The following P2RY14 variants were observed in gnomAD, a reference collection of about 807,000 sequenced individuals.
P2RY14 encodes the protein purinergic receptor P2Y14.
In P2RY14, 2 loss-of-function variants were observed where a neutral mutation model predicts 0.9. The observed-to-expected ratio is 2.16, with a 90% CI of 0.88 to 6.79. The LOEUF (loss-of-function observed/expected upper bound fraction) is 6.79, where lower values mean the gene tolerates loss of function less well. P2RY14 is among the 30% of genes most tolerant of loss of function. The pLI is 0.05. For synonymous variants in P2RY14, 158 were observed against 147.2 expected (o/e 1.07, Z -0.53); for missense variants, 378 against 400.1 (o/e 0.94, Z 0.47).
At chr3:151,235,719 A>G (rs555513636) in intron 1 of P2RY14, among the ~76,000 whole-genome samples, 10 of 107,476 alleles carry the variant, frequency 9.3e-5, no homozygotes, top group East Asian at 2.9e-4. Context: ...AAATAAATAA[A>G]TAAGTAAAAG....
In P2RY14 at chr3:151,229,421, G is replaced by A. The variant is rs370450248; in HGVS notation, c.-132-9779C>T. ...TCCCGGGTTCAAGCGATTCTCCTGC[G>A]TCAGCCTCCCGAGTAGCTGGGACTA... On this transcript the variant is annotated intron_variant, in intron 1 of 2. Transcript: ENST00000309170. Among the ~76,000 whole-genome samples, 1,095 of 142,808 alleles carry A rather than the reference G, an allele frequency of 7.7e-3. 13 individuals carry two copies. The Middle Eastern group carries it at 0.097, about 13-fold the overall frequency. The allele number at this position is 142,808 out of a possible 152,430, so 93.7% of individuals were successfully genotyped here.
chr3:151,218,001 A>G (rs1728571447), intron 2 of P2RY14, among the ~76,000 whole-genome samples: 3 of 152,198 alleles, frequency 2.0e-5, no homozygotes. Flanking sequence ...CAAAATCATT[A>G]AAAAAGACAT....
At chr3:151,227,441 T>G (rs1730754481) in intron 1 of P2RY14, among the ~76,000 whole-genome samples, 1 of 152,242 alleles carries the variant, frequency 6.6e-6, no homozygotes, top group Non-Finnish European at 1.5e-5. Context: ...TAGGTTGGAT[T>G]TATAAACTGA....
In P2RY14 at chr3:151,267,906, G is replaced by A. The variant is rs144382727; in HGVS notation, c.-133+10381C>T. On this transcript the variant is annotated intron_variant, in intron 1 of 2. Transcript: ENST00000309170. ...ATAGCTTTTTAAAATTTCTTTGTAC[G>A]TAGAGTATTTTATCAGTTGCTAAGT... is the stretch of plus-strand genomic sequence containing the variant. Among the ~76,000 whole-genome samples, 166 of 152,236 alleles carry A rather than the reference G, an allele frequency of 1.1e-3. 1 individual carries two copies. The highest frequency in any genetic ancestry group is 3.7e-3 in the African/African-American group (153 of 41,560).
chr3:151,266,341 A>G (rs965272659), intron 1 of P2RY14, among the ~76,000 whole-genome samples: 9 of 152,224 alleles, frequency 5.9e-5, no homozygotes, highest in African/African-American at 2.2e-4. Flanking sequence ...CTATCACTGC[A>G]TGTGTCTGGA....
chr3:151,226,513 C>T (rs1231246644), intron 1 of P2RY14, among the ~76,000 whole-genome samples: 1 of 152,180 alleles, frequency 6.6e-6, no homozygotes, highest in Non-Finnish European at 1.5e-5. Flanking sequence ...CTCCCCTGCT[C>T]CTGAAAGAAT....
intron 1 of P2RY14, chr3:151,270,090 T>A (rs1577190437): frequency 1.4e-5 from 3 of 220,126 alleles, no homozygotes; most frequent in South Asian, 6.1e-5. Flanking sequence ...ATGAAGATGA[T>A]GATGAAAGGG....
At chr3:151,255,107 C>T (rs951861713) in intron 1 of P2RY14, among the ~76,000 whole-genome samples, 1 of 152,052 alleles carries the variant, frequency 6.6e-6, no homozygotes, top group Non-Finnish European at 1.5e-5. Flanking sequence ...AAGATAGGAA[C>T]TTTCGAGTCA....
intron 1 of P2RY14, among the ~76,000 whole-genome samples, chr3:151,221,021 C>T (rs529631953): frequency 2.0e-5 from 3 of 152,196 alleles, no homozygotes; most frequent in African/African-American, 7.2e-5. Context: ...ACGATAAAGT[C>T]CAGGGTGAGG....
chr3:151,228,665 A>G (rs780622903), intron 1 of P2RY14, among the ~76,000 whole-genome samples: 1 of 152,164 alleles, frequency 6.6e-6, no homozygotes, highest in Non-Finnish European at 1.5e-5. Flanking sequence ...AACAGAGTGT[A>G]TGTATGAAGT....
intron 1 of P2RY14, among the ~76,000 whole-genome samples, chr3:151,253,420 A>G (rs1023597859): frequency 6.6e-6 from 1 of 152,110 alleles, no homozygotes; most frequent in Non-Finnish European, 1.5e-5. Context: ...TCATTTCCAA[A>G]CACACCTTCT....
At chr3:151,226,075 C>G (rs1467548890) in intron 1 of P2RY14, among the ~76,000 whole-genome samples, 1 of 152,148 alleles carries the variant, frequency 6.6e-6, no homozygotes, top group East Asian at 1.9e-4. Flanking sequence ...AGATTCCAGT[C>G]TAGGGGGAGG....
intron 1 of P2RY14, among the ~76,000 whole-genome samples, chr3:151,245,989 G>A (rs1336872007): frequency 6.6e-6 from 1 of 150,734 alleles, no homozygotes; most frequent in Non-Finnish European, 1.5e-5. Flanking sequence ...GACAAACAGA[G>A]AGCCAAATCA....
chr3:151,258,872 A>G (rs1738334256), intron 1 of P2RY14, among the ~76,000 whole-genome samples: 2 of 146,764 alleles, frequency 1.4e-5, no homozygotes, highest in Admixed American at 1.4e-4. Flanking sequence ...AAAAAAAAAA[A>G]AGTCCTTCCC....
In P2RY14 at chr3:151,218,617, C is replaced by T. The variant is rs137936129; in HGVS notation, c.-25+918G>A. On this transcript the variant is annotated intron_variant, in intron 2 of 2. Coordinates refer to ENST00000309170, the MANE Select transcript of P2RY14 (RefSeq NM_014879.4). ...GGCACGGTGGCTCAAGCCTGTAATC[C>T]CAGCACTTTGGGAGGCCGAGGTGGG... 9.2e-4 allele frequency among the ~76,000 whole-genome samples: 140 copies of T among 151,828 alleles called. 1 individual carries two copies. The highest frequency in any genetic ancestry group is 3.3e-3 in the African/African-American group (138 of 41,420).
intron 1 of P2RY14, among the ~76,000 whole-genome samples, chr3:151,277,614 A>C (rs760369990): frequency 3.3e-5 from 5 of 152,200 alleles, no homozygotes; most frequent in Non-Finnish European, 7.3e-5. Flanking sequence ...GGTCTGTGCT[A>C]ATTCTCCTGA....
chr3:151,246,434 T>C (rs988027403), intron 1 of P2RY14, among the ~76,000 whole-genome samples: 1 of 151,794 alleles, frequency 6.6e-6, no homozygotes, highest in Non-Finnish European at 1.5e-5. Flanking sequence ...TATAGATCAA[T>C]GGAACAGAAC....
intron 1 of P2RY14, among the ~76,000 whole-genome samples, chr3:151,274,857 A>G (rs968291023): frequency 2.4e-4 from 36 of 152,208 alleles, no homozygotes; most frequent in African/African-American, 8.2e-4. Flanking sequence ...CATCTCTACC[A>G]TTCCTAGAAT....
At chr3:151,220,838 T>A (rs774841813) in intron 1 of P2RY14, among the ~76,000 whole-genome samples, 1 of 152,100 alleles carries the variant, frequency 6.6e-6, no homozygotes, top group Non-Finnish European at 1.5e-5. Flanking sequence ...GCCAGTAGAG[T>A]GGCACATTGC....
Sources: gnomAD v4.1 joint callset for allele counts (sites outside exome capture counted in the v4.1 genomes callset) on GRCh38, gnomAD v4.1.1 for gene constraint, MANE v1.5 for transcripts, NCBI Gene and HGNC (gene_info 2026-07-23, HGNC 2026-07-21) for gene names.